Variants in PRELID3A observed in about 807,000 individuals in gnomAD.
PRELID3A encodes PRELI domain containing 3A.
A neutral mutation model predicts 23.0 loss-of-function variants in PRELID3A; 27 were observed. The observed-to-expected ratio is 1.17, with a 90% CI of 0.87 to 1.62. PRELID3A has a LOEUF of 1.62. Ranked by LOEUF, PRELID3A falls within the 40% of genes most tolerant of loss-of-function variation. The pLI is 0.00. For missense variants in PRELID3A, 231 were observed against 231.4 expected (o/e 1.00, Z 0.01); for synonymous variants, 87 against 86.4 (o/e 1.01, Z -0.04).
chr18:12,412,073 A>G (rs889400429), intron 1 of PRELID3A, among the ~76,000 whole-genome samples: 3 of 150,736 alleles, frequency 2.0e-5, no homozygotes, highest in Non-Finnish European at 2.9e-5. Flanking sequence ...ACCACGCCTG[A>G]CTACTTTTTT....
In PRELID3A at chr18:12,420,176, C is replaced by A; in HGVS notation, c.33-149C>A. ...GCTGAGCCGGCGGCCGGGGAGGGCTCGCGGGACTCCTCAGATTTGTCGGAC... is the reference window on the plus strand; with the variant it reads ...GCTGAGCCGGCGGCCGGGGAGGGCTAGCGGGACTCCTCAGATTTGTCGGAC... On this transcript the variant is annotated intron_variant, in intron 1 of 6. Transcript: ENST00000440960. 2.8e-6 allele frequency: 4 copies of A among 1,432,396 alleles called. No individual in the cohort carries two copies. The South Asian group carries it at 6.0e-5, about 21-fold the overall frequency. The allele number at this position is 1,432,396 out of a possible 1,614,324, so 88.7% of individuals were successfully genotyped here. A position where few individuals can be genotyped will look rare whatever the true frequency, so the allele number is the denominator to read the frequency against.
In PRELID3A at chr18:12,431,977, C is replaced by T. The variant is rs1391718309; in HGVS notation, c.*861C>T. 6.6e-6 allele frequency: 1 copy of T among 152,196 alleles called. No individual in the cohort carries two copies. Among genetic ancestry groups the T allele is most frequent in the Non-Finnish European group, 1.5e-5 (1 of 68,044 alleles). The allele number at this position is 152,196 out of a possible 1,614,324, so 9.4% of individuals were successfully genotyped here. ...TTGTGAGTGTTTGAGGGACAACGAC[C>T]AAAGGTCTTTTCCCCACCATCTTTA... On this transcript the variant is annotated 3_prime_UTR_variant, in exon 7 of 7. Coordinates refer to ENST00000440960, the MANE Select transcript of PRELID3A (RefSeq NM_001142405.2).
At chr18:12,429,568 T>C in intron 6 of PRELID3A, 132 bp downstream of exon 6, 1 of 584,224 alleles carries the variant, frequency 1.7e-6, no homozygotes, top group East Asian at 2.9e-5. Context: ...TCCTTAGTTT[T>C]CCACGGTGAC....
At chr18:12,429,247 T>C (rs1201111077) in intron 5 of PRELID3A, 103 bp from the exon 6 acceptor site, 1 of 926,170 alleles carries the variant, frequency 1.1e-6, no homozygotes. Flanking sequence ...TCCTTGTAAC[T>C]GCAGCGCTTG....
At chr18:12,429,643 G>T (rs999430989) in intron 6 of PRELID3A, among the ~76,000 whole-genome samples, 1 of 152,190 alleles carries the variant, frequency 6.6e-6, no homozygotes, top group Non-Finnish European at 1.5e-5. Flanking sequence ...TTTAGATTCC[G>T]AGGAAGCTTG....
chr18:12,422,272 C>T (rs1195113926), intron 3 of PRELID3A: 1 of 150,288 alleles, frequency 6.7e-6, no homozygotes, highest in African/African-American at 2.5e-5. Context: ...GATCTCAGCA[C>T]CCTGCAACCT....
rs1298718866 is a variant in PRELID3A, at chr18:12,409,173, T to TG, written c.32+1166_32+1167insG. Among the ~76,000 whole-genome samples the TG allele has an allele frequency of 7.1e-3, 1,000 of 139,936 alleles. 9 individuals carry two copies. The highest frequency in any genetic ancestry group is 0.025 in the African/African-American group (921 of 37,184). The allele number at this position is 139,936 out of a possible 152,430, so 91.8% of individuals were successfully genotyped here. Reference sequence around the variant, plus strand: ...ACCCAGGCTGGGTTTTTTTTTTTTTTTTTTTTTTTTTGAGACATAGGCTCG... The same window carrying TG: ...ACCCAGGCTGGGTTTTTTTTTTTTTTGTTTTTTTTTTTGAGACATAGGCTCG... On this transcript the variant is annotated intron_variant, in intron 1 of 6. Transcript: ENST00000440960.
intron 5 of PRELID3A, among the ~76,000 whole-genome samples, chr18:12,427,632 T>A (rs1340515040): frequency 6.6e-6 from 1 of 151,506 alleles, no homozygotes; most frequent in African/African-American, 2.4e-5. Context: ...GAGGCGGAGG[T>A]TGCAGTGAGC....
At chr18:12,413,873 C>T (rs551521487) in intron 1 of PRELID3A, among the ~76,000 whole-genome samples, 49 of 152,166 alleles carry the variant, frequency 3.2e-4, no homozygotes, top group East Asian at 1.2e-3. Flanking sequence ...CGTGAGCCAC[C>T]GTGCCTGGCC....
At position 12,420,509 on chromosome 18, in the gene PRELID3A, G is replaced by C. The variant is rs1598860223; in HGVS notation, c.201+16G>C. The C allele has an allele frequency of 1.3e-6, 2 of 1,507,006 alleles. No individual in the cohort carries two copies. Among genetic ancestry groups the C allele is most frequent in the East Asian group, 5.1e-5 (2 of 39,498 alleles). 93.4% of individuals were successfully genotyped at this position (1,507,006 alleles called of 1,614,324 possible). ...CGTGAGAGCGGTGAGCGGGGCGGGG[G>C]CTGCGGCTCCGAACGCGCCCGACTC... is the stretch of plus-strand genomic sequence containing the variant. On this transcript the variant is annotated intron_variant, in intron 2 of 6. Transcript: ENST00000440960.
At chr18:12,417,314 C>T (rs1339086600) in intron 1 of PRELID3A, among the ~76,000 whole-genome samples, 2 of 152,088 alleles carry the variant, frequency 1.3e-5, no homozygotes, top group Non-Finnish European at 2.9e-5. Flanking sequence ...GCTGGGATTA[C>T]AGGTGCCTGC....
chr18:12,427,229 T>G lies in PRELID3A; in HGVS notation c.371T>G (p.Leu124Arg), dbSNP rs2030410543. ...TTCTTGCTCTTTTGCAGGACCGTGC[T>G]CACACAAGAAGCCATCATCACTGTG... The part of the protein sequence containing the change: ...PHPENPEMTV[L>R]TQEAIITVKG... Residue 124 changes from leucine (L) to arginine (R), a missense_variant, in exon 5 of 7, where the codon CTC (leucine) becomes CGC (arginine). Leu to Arg is a moderately radical substitution (Grantham distance 102, BLOSUM62 -2). Coordinates refer to ENST00000440960, the MANE Select transcript of PRELID3A (RefSeq NM_001142405.2). The G allele has an allele frequency of 1.2e-6, 2 of 1,613,976 alleles. No individual in the cohort carries two copies.
At chr18:12,425,142 T>A (rs903702664) in intron 3 of PRELID3A, among the ~76,000 whole-genome samples, 3 of 148,898 alleles carry the variant, frequency 2.0e-5, no homozygotes, top group African/African-American at 7.4e-5. Context: ...AAAAAAAAAA[T>A]TAAACTAATT....
chr18:12,427,475 C>A, intron 5 of PRELID3A, 152 bp downstream of exon 5: 1 of 629,756 alleles, frequency 1.6e-6, no homozygotes, highest in South Asian at 2.0e-5. Context: ...CGCAGGTGGA[C>A]CGCTTGAGGC....
intron 2 of PRELID3A, 60 bp downstream of exon 2, chr18:12,420,553 C>G (rs1037698857): frequency 9.1e-6 from 13 of 1,433,068 alleles, no homozygotes; most frequent in Non-Finnish European, 1.2e-5. Context: ...CCGCCCCCGC[C>G]CTCTCCCGCG....
chr18:12,426,328 G>T (rs1437160715), intron 3 of PRELID3A, among the ~76,000 whole-genome samples: 1 of 150,822 alleles, frequency 6.6e-6, no homozygotes, highest in Non-Finnish European at 1.5e-5. Flanking sequence ...GCCAAGGCGG[G>T]CGGATCACGA....
At chr18:12,412,221 T>G (rs1207610369) in intron 1 of PRELID3A, among the ~76,000 whole-genome samples, 1 of 137,744 alleles carries the variant, frequency 7.3e-6, no homozygotes, top group Non-Finnish European at 1.5e-5. Flanking sequence ...GGAGTCTCAC[T>G]CTGTTACCCA....
In PRELID3A at chr18:12,410,512, G is replaced by GAC. The variant is rs780914110; in HGVS notation, c.32+2507_32+2508dup. 2.0e-5 allele frequency among the ~76,000 whole-genome samples: 3 copies of GAC among 152,178 alleles called. No individual in the cohort carries two copies. In the South Asian group the frequency reaches 6.2e-4, roughly 31 times the overall value. Reference sequence around the variant, plus strand: ...CCATGAGGTGTCATAGCATCCAAATGACAGTACAAATTGGAAGTCTGGCTT... The same window carrying GAC: ...CCATGAGGTGTCATAGCATCCAAATGACACAGTACAAATTGGAAGTCTGGCTT... On this transcript the variant is annotated intron_variant, in intron 1 of 6. Transcript: ENST00000440960.
chr18:12,428,689 G>A (rs755143938), intron 5 of PRELID3A, among the ~76,000 whole-genome samples: 2 of 152,226 alleles, frequency 1.3e-5, no homozygotes, highest in Non-Finnish European at 2.9e-5. Flanking sequence ...GGGCAGCGAA[G>A]GCCAAAGGGG....
Sources: gnomAD v4.1 joint callset for allele counts (sites outside exome capture counted in the v4.1 genomes callset) on GRCh38, gnomAD v4.1.1 for gene constraint, MANE v1.5 for transcripts, NCBI Gene and HGNC (gene_info 2026-07-23, HGNC 2026-07-21) for gene names.